The following STAMBPL1 variants were observed in gnomAD, a reference collection of about 807,000 sequenced individuals.
STAMBPL1 encodes STAM binding protein like 1.
In STAMBPL1, 44 loss-of-function variants were observed where a neutral mutation model predicts 52.9. The observed-to-expected ratio is 0.83, with a 90% CI of 0.65 to 1.07. STAMBPL1 has a LOEUF of 1.07. Among genes scored for constraint, STAMBPL1 ranks in the 50% least tolerant of loss-of-function variants. STAMBPL1 has a pLI of 0.00. For synonymous variants in STAMBPL1, 164 were observed against 177.3 expected, an observed-to-expected ratio of 0.92 and a Z score of 0.60; for missense variants, 511 against 520.8, an observed-to-expected ratio of 0.98 and a Z score of 0.18.
chr10:88,922,070 T>C (rs1290234492), intron 9 of STAMBPL1, among the ~76,000 whole-genome samples: 2 of 152,196 alleles, frequency 1.3e-5, no homozygotes, highest in Non-Finnish European at 2.9e-5. Context: ...AGTGGGGCTT[T>C]GGCCTTTCCT....
intron 5 of STAMBPL1, among the ~76,000 whole-genome samples, chr10:88,911,406 A>G (rs769876185): frequency 8.3e-4 from 127 of 152,284 alleles, no homozygotes; most frequent in Middle Eastern, 3.4e-3. Context: ...TAGAAATGTG[A>G]ATTTGATTCT....
chr10:88,882,758 G>T (rs184021882), intron 1 of STAMBPL1: 105 of 152,274 alleles, frequency 6.9e-4, no homozygotes, highest in African/African-American at 2.5e-3. Context: ...AATGACTCAT[G>T]GTTATCCCTG....
intron 8 of STAMBPL1, among the ~76,000 whole-genome samples, chr10:88,917,207 T>A (rs1845394258): frequency 6.6e-6 from 1 of 152,182 alleles, no homozygotes; most frequent in Non-Finnish European, 1.5e-5. Context: ...TGTTAACTGA[T>A]TTGGCTAGAC....
intron 1 of STAMBPL1, among the ~76,000 whole-genome samples, chr10:88,899,521 T>C (rs1334712662): frequency 6.6e-6 from 1 of 152,226 alleles, no homozygotes; most frequent in Non-Finnish European, 1.5e-5. Context: ...TTAAATATTT[T>C]ATTTTTGAGC....
In STAMBPL1 at chr10:88,913,283, G is replaced by A. The variant is rs41284104; in HGVS notation, c.603G>A (p.Gly201=). The change falls in exon 6 of 11, where the codon GGG becomes GGA. Residue 201 remains glycine, a synonymous_variant. Transcript: ENST00000371926. ...RGQMRSQQTS[G]LSEQIDGSAL... ...AAATGCGAAGTCAGCAAACCTCAGGGCTGTCAGAGCAGATTGATGGGAGCG... is the reference window on the plus strand; with the variant it reads ...AAATGCGAAGTCAGCAAACCTCAGGACTGTCAGAGCAGATTGATGGGAGCG... 1.5e-3 allele frequency: 2,373 copies of A among 1,613,888 alleles called. 6 individuals carry two copies. The highest frequency in any genetic ancestry group is 2.0e-3 in the South Asian group (180 of 91,076).
rs958018741 is a variant in STAMBPL1, at chr10:88,894,518, C to G, written c.-53-7138C>G. Among the ~76,000 whole-genome samples, 3 of 152,332 alleles carry G rather than the reference C, an allele frequency of 2.0e-5. No homozygotes were observed. In the East Asian group the frequency reaches 5.8e-4, roughly 29 times the overall value. ...AATTAGAAATCATGTAGCACATTCA[C>G]TGTAATCAGCAGGTGGTTCACTCAC... On this transcript the variant is annotated intron_variant, in intron 1 of 10. Coordinates refer to ENST00000371926, the MANE Select transcript of STAMBPL1 (RefSeq NM_020799.4).
In STAMBPL1 at chr10:88,895,657, T is replaced by C. The variant is rs140976860; in HGVS notation, c.-53-5999T>C. 3.2e-3 allele frequency among the ~76,000 whole-genome samples: 486 copies of C among 152,340 alleles called. 4 individuals carry two copies. Among genetic ancestry groups the C allele is most frequent in the African/African-American group, 0.011 (463 of 41,566 alleles). ...GAATTCTTCTGGAAAGCTATTGTTG[T>C]GCCTATTTAATAGATGAAGATAAGG... On this transcript the variant is annotated intron_variant, in intron 1 of 10. Transcript: ENST00000371926.
intron 7 of STAMBPL1, among the ~76,000 whole-genome samples, chr10:88,914,988 T>A (rs530974699): frequency 1.3e-5 from 2 of 152,294 alleles, no homozygotes; most frequent in Admixed American, 1.3e-4. Flanking sequence ...CAAATTTTCA[T>A]TGTAATTGTT....
chr10:88,910,852 C>A (rs1845203179), intron 4 of STAMBPL1, 64 bp from the exon 5 acceptor site: 1 of 1,193,196 alleles, frequency 8.4e-7, no homozygotes, highest in Non-Finnish European at 1.2e-6. Flanking sequence ...TTCTTTCTCA[C>A]CTGATGATCT....
At chr10:88,913,554 A>G (rs1317877563) in intron 6 of STAMBPL1, 96 bp downstream of exon 6, 8 of 1,054,344 alleles carry the variant, frequency 7.6e-6, no homozygotes, top group Non-Finnish European at 1.1e-5. Flanking sequence ...TTTCATTATT[A>G]ATTGTAGTAG....
At chr10:88,889,404 A>G (rs1037759327) in intron 1 of STAMBPL1, among the ~76,000 whole-genome samples, 1 of 152,214 alleles carries the variant, frequency 6.6e-6, no homozygotes. Flanking sequence ...TTTCTTAATT[A>G]CTAGTGAATT....
chr10:88,910,732 T>C (rs988417097), intron 4 of STAMBPL1, among the ~76,000 whole-genome samples, 184 bp from the exon 5 acceptor site: 3 of 152,226 alleles, frequency 2.0e-5, no homozygotes, highest in South Asian at 2.1e-4. Flanking sequence ...ATAATAGTGT[T>C]TCTTTCCTGC....
chr10:88,888,127 G>A (rs1844584788), intron 1 of STAMBPL1, among the ~76,000 whole-genome samples: 1 of 152,124 alleles, frequency 6.6e-6, no homozygotes, highest in African/African-American at 2.4e-5. Flanking sequence ...TAGAGATAAT[G>A]TACATTCTTC....
At chr10:88,907,837 C>T (rs753354335) in intron 3 of STAMBPL1, among the ~76,000 whole-genome samples, 1 of 152,140 alleles carries the variant, frequency 6.6e-6, no homozygotes, top group Admixed American at 6.5e-5. Flanking sequence ...TAACCTATAA[C>T]CTTGTGATCA....
rs1378808661 is a variant in STAMBPL1 at position 88,913,437 on chromosome 10, G to A, written c.757G>A (p.Ala253Thr). The A allele has an allele frequency of 2.5e-6, 4 of 1,612,504 alleles. No individual in the cohort carries two copies. Among genetic ancestry groups the A allele is most frequent in the Non-Finnish European group, 3.4e-6 (4 of 1,179,162 alleles). The change falls in exon 6 of 11, where the codon GCT becomes ACT. Residue 253 changes from alanine (A) to threonine (T), a missense_variant. By Grantham distance (58) the Ala-to-Thr change is moderately conservative. This residue lies in a region of STAMBPL1 where 358 missense variants were observed against 343.5 expected (regional missense o/e 1.04). Transcript: ENST00000371926. The part of the protein sequence containing the change: ...PPVNRALTPA[A>T]TLSAVQNLVV... The stretch of plus-strand genomic sequence containing the variant: ...TGTAAACAGGGCCTTAACGCCAGCT[G>A]CTACTCTAAGTGCTGTTCAGAGTAA...
At chr10:88,900,156 T>A (rs1223185677) in intron 1 of STAMBPL1, among the ~76,000 whole-genome samples, 1 of 152,224 alleles carries the variant, frequency 6.6e-6, no homozygotes, top group Non-Finnish European at 1.5e-5. Flanking sequence ...GAGTAATTTT[T>A]CTTGAAGGGT....
intron 1 of STAMBPL1, among the ~76,000 whole-genome samples, chr10:88,881,648 C>T (rs187376407): frequency 6.6e-6 from 1 of 152,272 alleles, no homozygotes; most frequent in African/African-American, 2.4e-5. Flanking sequence ...TTTGTTCCAG[C>T]AGATAAATTA....
intron 1 of STAMBPL1, among the ~76,000 whole-genome samples, chr10:88,891,403 T>C (rs1844679657): frequency 6.6e-6 from 1 of 151,742 alleles, no homozygotes. Context: ...AAAATAGAAA[T>C]AGAAAAATGG....
chr10:88,914,491 T>TAA (rs1157395000), intron 6 of STAMBPL1, 43 bp from the exon 7 acceptor site: 5 of 1,414,020 alleles, frequency 3.5e-6, no homozygotes, highest in Non-Finnish European at 3.7e-6. Flanking sequence ...AGATGGGACA[T>TAA]ATAGTTTGTT....
Sources: allele counts gnomAD v4.1 joint callset (sites outside exome capture counted in the v4.1 genomes callset), GRCh38; gene constraint gnomAD v4.1.1; regional missense constraint gnomAD v4.1.1; transcripts MANE v1.5; gene names NCBI Gene and HGNC (gene_info 2026-07-23, HGNC 2026-07-21).